The following EIF4G3 variants were observed in gnomAD, a reference collection of about 807,000 sequenced individuals.
EIF4G3 encodes the protein eukaryotic translation initiation factor 4 gamma 3.
Under a neutral mutation model 186.4 loss-of-function variants are expected in EIF4G3, and 34 were observed. The observed-to-expected ratio is 0.18, with a 90% CI of 0.14 to 0.24. EIF4G3 has a LOEUF of 0.24. Ranked by LOEUF, EIF4G3 falls within the 10% of genes least tolerant of loss-of-function variation. The pLI is 1.00. For synonymous variants in EIF4G3, 673 were observed against 679.5 expected, an observed-to-expected ratio of 0.99 and a Z score of 0.15; for missense variants, 1,536 against 1,948.5, an observed-to-expected ratio of 0.79 and a Z score of 3.99.
intron 2 of EIF4G3, among the ~76,000 whole-genome samples, chr1:21,126,965 T>C (rs1239017308): frequency 6.6e-6 from 1 of 152,200 alleles, no homozygotes; most frequent in Non-Finnish European, 1.5e-5. Flanking sequence ...TTTTTATTTC[T>C]ATAATTTTTA....
chr1:21,169,461 A>G (rs766312721), intron 2 of EIF4G3, among the ~76,000 whole-genome samples: 23 of 152,190 alleles, frequency 1.5e-4, no homozygotes, highest in Non-Finnish European at 2.6e-4. Context: ...AAAAAAATAA[A>G]TAAATAAAAT....
At chr1:21,055,050 G>A (rs1016988537) in intron 3 of EIF4G3, among the ~76,000 whole-genome samples, 5 of 152,050 alleles carry the variant, frequency 3.3e-5, no homozygotes, top group African/African-American at 1.2e-4. Context: ...AAATGTAACA[G>A]CATATATAAA....
At chr1:20,930,317 A>G (rs2095245413) in intron 14 of EIF4G3, among the ~76,000 whole-genome samples, 1 of 152,198 alleles carries the variant, frequency 6.6e-6, no homozygotes, top group Non-Finnish European at 1.5e-5. Context: ...ATTTCTCTGT[A>G]TCATGTGATA....
At chr1:20,886,161 A>AGATTTTGTTT in intron 19 of EIF4G3, 40 bp downstream of exon 19, 1 of 1,568,284 alleles carries the variant, frequency 6.4e-7, no homozygotes. Context: ...CAAAATCAAT[A>AGATTTTGTTT]TAATTTCAAA....
intron 12 of EIF4G3, among the ~76,000 whole-genome samples, chr1:20,958,016 T>C (rs1263738338): frequency 2.0e-5 from 3 of 152,034 alleles, no homozygotes; most frequent in Non-Finnish European, 2.9e-5. Context: ...TCCAAGTGAC[T>C]GGGAAAGAGA....
chr1:20,858,432 A>T (rs979533330), intron 24 of EIF4G3, among the ~76,000 whole-genome samples: 1 of 152,070 alleles, frequency 6.6e-6, no homozygotes, highest in Non-Finnish European at 1.5e-5. Flanking sequence ...CACATGATTT[A>T]ACACCCTCAC....
intron 2 of EIF4G3, among the ~76,000 whole-genome samples, chr1:21,091,307 G>A (rs1353247608): frequency 6.6e-6 from 1 of 151,914 alleles, no homozygotes; most frequent in Non-Finnish European, 1.5e-5. Context: ...CTATAGACAT[G>A]CGCTACCACA....
chr1:20,924,823 A>T (rs903941892), intron 14 of EIF4G3, among the ~76,000 whole-genome samples: 1 of 152,230 alleles, frequency 6.6e-6, no homozygotes, highest in Non-Finnish European at 1.5e-5. Context: ...TGGCCTCCCA[A>T]AGTGCTGGGA....
chr1:20,812,010 G>T (rs1274009916), intron 35 of EIF4G3, among the ~76,000 whole-genome samples: 1 of 152,148 alleles, frequency 6.6e-6, no homozygotes, highest in East Asian at 1.9e-4. Flanking sequence ...GGCCTTTTGA[G>T]GGAAAGGAAT....
chr1:20,918,048 G>GT (rs1329722299), intron 14 of EIF4G3, among the ~76,000 whole-genome samples: 3 of 151,346 alleles, frequency 2.0e-5, no homozygotes, highest in Non-Finnish European at 4.4e-5. Flanking sequence ...TTTACTTTTT[G>GT]TTTTTAATGA....
chr1:21,107,773 G>A (rs1167267401), intron 2 of EIF4G3, among the ~76,000 whole-genome samples: 1 of 151,828 alleles, frequency 6.6e-6, no homozygotes, highest in Admixed American at 6.6e-5. Flanking sequence ...CAACTGCCCC[G>A]ACTCAAGCAA....
At chr1:21,116,838 C>CAA (rs577723036) in intron 2 of EIF4G3, among the ~76,000 whole-genome samples, 8 of 67,504 alleles carry the variant, frequency 1.2e-4, no homozygotes, top group South Asian at 4.6e-4. Flanking sequence ...GACTCCTTCT[C>CAA]AAAAAAAAAA....
rs769284768 is a variant in EIF4G3, at chr1:20,810,896, AG to A, written c.4598-13del. 2 of 1,605,898 alleles carry A rather than the reference AG, an allele frequency of 1.2e-6. No homozygotes were observed. Among genetic ancestry groups the A allele is most frequent in the African/African-American group, 2.7e-5 (2 of 74,726 alleles). Reference sequence around the variant, plus strand: ...GGTAGAAGAGTCGGCTAAAGGTGATAGAAGAACTAGGAATTACATTTAAGGA... The same window carrying A: ...GGTAGAAGAGTCGGCTAAAGGTGATAAAGAACTAGGAATTACATTTAAGGA... On this transcript the variant is annotated splice_polypyrimidine_tract_variant and intron_variant, in intron 35 of 36. Transcript: ENST00000602326. This position sits in a 1 kb window ranked among gnomAD's most constrained non-coding sequence, Gnocchi z 4.1.
rs2095617409 is a variant in EIF4G3 at position 20,939,105 on chromosome 1, T to A, written c.1663+2386A>T. Among the ~76,000 whole-genome samples, 5 of 32,054 alleles carry A rather than the reference T, an allele frequency of 1.6e-4. No individual in the cohort carries two copies. The South Asian group carries it at 0.012, about 77-fold the overall frequency. 21.0% of individuals were successfully genotyped at this position (32,054 alleles called of 152,430 possible). A position where few individuals can be genotyped will look rare whatever the true frequency, so the allele number is the denominator to read the frequency against. On this transcript the variant is annotated intron_variant, in intron 14 of 36. Transcript: ENST00000602326. ...CCGGGCGATGGAGCGAGACTCCATC[T>A]TAAAAAAAATTAAAAAAAAAAAAAA...
intron 2 of EIF4G3, 56 bp downstream of exon 2, chr1:21,176,118 TC>T: frequency 6.5e-6 from 2 of 307,354 alleles, no homozygotes; most frequent in Non-Finnish European, 1.2e-5. Flanking sequence ...GGCTGCGGGG[TC>T]CCCCTGGACT....
intron 3 of EIF4G3, among the ~76,000 whole-genome samples, chr1:21,051,857 C>T (rs2094234159): frequency 6.6e-6 from 1 of 152,096 alleles, no homozygotes; most frequent in Non-Finnish European, 1.5e-5. Context: ...GAGGAAAACC[C>T]TATCTCTTTA....
At chr1:21,015,353 CA>C (rs746047387) in intron 4 of EIF4G3, among the ~76,000 whole-genome samples, 1 of 151,014 alleles carries the variant, frequency 6.6e-6, no homozygotes, top group South Asian at 2.1e-4. Flanking sequence ...AAGATTATTT[CA>C]AAAAAAATAA....
intron 3 of EIF4G3, among the ~76,000 whole-genome samples, chr1:21,067,026 A>G (rs1372607189): frequency 6.6e-6 from 1 of 152,190 alleles, no homozygotes; most frequent in Non-Finnish European, 1.5e-5. Context: ...AAAGACATTT[A>G]TAACTGGCAT....
intron 14 of EIF4G3, among the ~76,000 whole-genome samples, chr1:20,931,325 C>T (rs548023227): frequency 6.0e-4 from 91 of 152,168 alleles, no homozygotes; most frequent in South Asian, 1.7e-3. Context: ...AGGTGTGTTG[C>T]CAATGTGCAG....
Sources: gnomAD v4.1 joint callset for allele counts (sites outside exome capture counted in the v4.1 genomes callset) on GRCh38, gnomAD v4.1.1 for gene constraint, Gnocchi (gnomAD v3.1) non-coding constraint, MANE v1.5 for transcripts, NCBI Gene and HGNC (gene_info 2026-07-23, HGNC 2026-07-21) for gene names.